Variants in TRIM37 observed in about 807,000 individuals in gnomAD.
The protein encoded by TRIM37 is E3 ubiquitin-protein ligase TRIM37.
Under a neutral mutation model 129.8 loss-of-function variants are expected in TRIM37, and 80 were observed. That is an observed-to-expected ratio of 0.62 (90% CI 0.51 to 0.74). The LOEUF (loss-of-function observed/expected upper bound fraction) is 0.74. Among genes scored for constraint, TRIM37 ranks in the 30% least tolerant of loss-of-function variants. The probability of loss-of-function intolerance (pLI) is 0.00; values close to 1 mark genes in which losing one functional copy is unlikely to be tolerated. For synonymous variants in TRIM37, 389 were observed against 387.1 expected, an observed-to-expected ratio of 1.00 and a Z score of -0.06; for missense variants, 1,054 against 1,176.5, an observed-to-expected ratio of 0.90 and a Z score of 1.52.
At chr17:59,081,784 G>A (rs2043275812) in intron 5 of TRIM37, among the ~76,000 whole-genome samples, 1 of 151,532 alleles carries the variant, frequency 6.6e-6, no homozygotes, top group African/African-American at 2.4e-5. Flanking sequence ...GCGCACACCT[G>A]TAATCCCAGC....
chr17:59,065,784 A>G (rs1270394966), intron 9 of TRIM37, among the ~76,000 whole-genome samples: 1 of 152,244 alleles, frequency 6.6e-6, no homozygotes, highest in African/African-American at 2.4e-5. Context: ...ATATACATCT[A>G]TAGCACTGCC....
intron 22 of TRIM37, among the ~76,000 whole-genome samples, chr17:59,008,679 A>C (rs1415445301): frequency 2.0e-5 from 3 of 152,200 alleles, no homozygotes; most frequent in Non-Finnish European, 4.4e-5. Flanking sequence ...CAGAAGGATC[A>C]TTTGAGCCCA....
rs1599159069 is a variant in TRIM37, at chr17:59,049,361, C to T, written c.1347G>A (p.Lys449=). ...TATCTGGTGGTGACAAATCTCTTGA[C>T]TTCTGAGTTCGAGACAGCTCAATAG... The part of the protein sequence containing the change: ...RLTIELSRTQ[K]SRDLSPPDNH... The change falls in exon 15 of 24, where the codon AAG becomes AAA. Residue 449 remains lysine (K), a synonymous_variant. Transcript: ENST00000262294. 3.1e-6 allele frequency: 5 copies of T among 1,614,110 alleles called. No individual in the cohort carries two copies. The highest frequency in any genetic ancestry group is 4.2e-6 in the Non-Finnish European group (5 of 1,180,042).
Position 59,041,816 on chromosome 17 carries a change from C to A in TRIM37, c.1750G>T (p.Ala584Ser). The change falls in exon 17 of 24, where the codon GCA becomes TCA. Residue 584 changes from alanine (A) to serine (S), a missense_variant. Ala to Ser is a moderately conservative substitution (Grantham distance 99). Coordinates refer to ENST00000262294, the MANE Select transcript of TRIM37 (RefSeq NM_015294.6). ...GGCAGTGGAGTGACCTCATTACCTG[C>A]GGGTCCTGCAGCAGCTGCATCTTCC... ...LMEDAAAAGP[A>S]GSSHGYVGSS... 6.2e-7 allele frequency: 1 copy of A among 1,612,648 alleles called. No homozygotes were observed. The highest frequency in any genetic ancestry group is 8.5e-7 in the Non-Finnish European group (1 of 1,178,738).
intron 4 of TRIM37, chr17:59,087,984 T>C (rs965166251): frequency 1.5e-5 from 8 of 542,634 alleles, no homozygotes; most frequent in African/African-American, 1.3e-4. Context: ...TGTGTCCCCA[T>C]TAAACAGTTA....
chr17:58,995,039 G>C (rs963248402), downstream of TRIM37, among the ~76,000 whole-genome samples: 2 of 151,960 alleles, frequency 1.3e-5, no homozygotes, highest in African/African-American at 4.8e-5. Context: ...ATGAGCCACT[G>C]TGCCCGGCCA....
rs1041545874 is a variant in TRIM37 at position 58,998,221 on chromosome 17, T to C, written c.*1156A>G. On this transcript the variant is annotated 3_prime_UTR_variant, in exon 24 of 24. Coordinates refer to ENST00000262294, the MANE Select transcript of TRIM37 (RefSeq NM_015294.6). ...GGCATATTTTCTCAAGTTGATTTTATTAACAAAAAGTGCAAACTATTTTGA... is the reference window on the plus strand; with the variant it reads ...GGCATATTTTCTCAAGTTGATTTTACTAACAAAAAGTGCAAACTATTTTGA... 4 of 985,432 alleles carry C rather than the reference T, an allele frequency of 4.1e-6. No homozygotes were observed. The highest frequency in any genetic ancestry group is 3.6e-6 in the Non-Finnish European group (3 of 829,920). The allele number at this position is 985,432 out of a possible 1,614,324, so 61.0% of individuals were successfully genotyped here.
intron 9 of TRIM37, among the ~76,000 whole-genome samples, chr17:59,066,908 C>A (rs560383599): frequency 6.6e-6 from 1 of 152,266 alleles, no homozygotes; most frequent in South Asian, 2.1e-4. Context: ...TAAAATATAG[C>A]TGGCATATAT....
At chr17:59,074,275 CAT>C (rs772910422) in intron 8 of TRIM37, among the ~76,000 whole-genome samples, 71 of 152,246 alleles carry the variant, frequency 4.7e-4, no homozygotes, top group Admixed American at 6.5e-4. Context: ...TAATTTGACA[CAT>C]GTTTGTATAT....
rs763414371 is a variant in TRIM37, at chr17:59,049,306, G to A, written c.1402C>T (p.Leu468=). 1.9e-6 allele frequency: 3 copies of A among 1,614,178 alleles called. No individual in the cohort carries two copies. The highest frequency in any genetic ancestry group is 2.5e-6 in the Non-Finnish European group (3 of 1,180,048). Residue 468 remains leucine, a synonymous_variant, in exon 15 of 24, where the codon CTG becomes TTG. Transcript: ENST00000262294. ...GCAGACTTCTTAGCTCGTGTCTCCA[G>A]AGCATCATCATTTTGGGGGCTAAGA... ...NHLSPQNDDA[L]ETRAKKSACS...
intron 10 of TRIM37, 60 bp from the exon 11 acceptor site, chr17:59,062,708 G>T: frequency 7.0e-7 from 1 of 1,427,950 alleles, no homozygotes; most frequent in Non-Finnish European, 9.9e-7. Context: ...ATGGCAACAG[G>T]CAAAAAGAAA....
chr17:59,104,339 C>T lies in TRIM37; in HGVS notation c.77G>A (p.Arg26His), dbSNP rs1242028477. 1.7e-5 allele frequency: 27 copies of T among 1,614,082 alleles called. No individual in the cohort carries two copies. The highest frequency in any genetic ancestry group is 3.3e-5 in the South Asian group (3 of 91,088). ...FICMEKLRDA[R>H]LCPHCSKLCC... ...CAGTTTGGAGCAATGAGGACACAGG[C>T]GTGCATCCCGCAATTTCTCCATACA... Residue 26 changes from arginine to histidine, a missense_variant, in exon 2 of 24, where the codon CGC (arginine) becomes CAC (histidine). Physicochemically the swap from Arg to His is conservative, Grantham distance 29. Around this residue, in one of 3 missense-constraint regions of TRIM37, gnomAD observed 752 missense variants for 870.8 expected, o/e 0.86. Transcript: ENST00000262294.
chr17:58,993,202 G>C (rs2032629166), downstream of TRIM37, among the ~76,000 whole-genome samples: 1 of 152,136 alleles, frequency 6.6e-6, no homozygotes, highest in Non-Finnish European at 1.5e-5. Context: ...ATGATTGTGA[G>C]GCCTCCCCAG....
the TRIM37 span, among the ~76,000 whole-genome samples, chr17:58,974,315 C>G: frequency 2.2e-4 from 33 of 152,200 alleles, no homozygotes; most frequent in Admixed American, 4.6e-4. Context: ...AAGCATTGTG[C>G]TTTTTATATG....
chr17:59,096,830 C>G (rs2044932843), intron 2 of TRIM37, among the ~76,000 whole-genome samples: 1 of 152,042 alleles, frequency 6.6e-6, no homozygotes, highest in Admixed American at 6.6e-5. Context: ...TATATGTGGT[C>G]TGGGAGTTTA....
At chr17:59,100,217 A>G (rs1568260321) in intron 2 of TRIM37, among the ~76,000 whole-genome samples, 1 of 152,208 alleles carries the variant, frequency 6.6e-6, no homozygotes, top group Non-Finnish European at 1.5e-5. Flanking sequence ...TCAAAATGTT[A>G]AACACACATC....
chr17:58,973,171 A>G, the TRIM37 span, among the ~76,000 whole-genome samples: 2 of 152,148 alleles, frequency 1.3e-5, no homozygotes, highest in Non-Finnish European at 2.9e-5. Flanking sequence ...TAATCCCAAC[A>G]CTTTGGGAGG....
intron 22 of TRIM37, among the ~76,000 whole-genome samples, chr17:59,008,261 T>C (rs1419241369): frequency 6.6e-6 from 1 of 152,240 alleles, no homozygotes; most frequent in South Asian, 2.1e-4. Context: ...TGTGTCCCTG[T>C]TGATTTGCAC....
chr17:59,008,102 A>G (rs1375454649), intron 22 of TRIM37, among the ~76,000 whole-genome samples: 1 of 152,240 alleles, frequency 6.6e-6, no homozygotes, highest in East Asian at 1.9e-4. Context: ...CTCGAGAAAC[A>G]AAGCTGATTA....
Sources: allele counts gnomAD v4.1 joint callset (sites outside exome capture counted in the v4.1 genomes callset), GRCh38; gene constraint gnomAD v4.1.1; regional missense constraint gnomAD v4.1.1; transcripts MANE v1.5; gene names NCBI Gene and HGNC (gene_info 2026-07-23, HGNC 2026-07-21).